The following ZFHX3 variants were observed in gnomAD, a reference collection of about 807,000 sequenced individuals.
The protein encoded by ZFHX3 is zinc finger homeobox protein 3.
ZFHX3 carries 42 observed loss-of-function variants against 279.1 expected under a neutral mutation model. That is an observed-to-expected ratio of 0.15 (90% CI 0.12 to 0.19). ZFHX3 has a LOEUF of 0.19. Among genes scored for constraint, ZFHX3 ranks in the 10% least tolerant of loss-of-function variants. The probability of loss-of-function intolerance (pLI) is 1.00; values close to 1 mark genes in which losing one functional copy is unlikely to be tolerated. For synonymous variants in ZFHX3, 2,293 were observed against 1,957.8 expected (o/e 1.17, Z -4.52); for missense variants, 4,981 against 4,754.0 (o/e 1.05, Z -1.40).
chr16:73,201,023 AC>A (rs1968256230), intron 5 of ZFHX3, among the ~76,000 whole-genome samples: 2 of 152,118 alleles, frequency 1.3e-5, no homozygotes, highest in Admixed American at 6.5e-5. Context: ...ATGGGGAAGC[AC>A]CTTTCCCTGC....
At chr16:73,291,996 G>C (rs1247877640) in intron 4 of ZFHX3, among the ~76,000 whole-genome samples, 1 of 152,184 alleles carries the variant, frequency 6.6e-6, no homozygotes, top group African/African-American at 2.4e-5. Flanking sequence ...TGGGTAAGCA[G>C]AGGGCATGCC....
chr16:73,787,351 G>T (rs915095144), intron 1 of ZFHX3, among the ~76,000 whole-genome samples: 3 of 152,164 alleles, frequency 2.0e-5, no homozygotes. Context: ...ATGCACTCAG[G>T]AATCTGTATG....
intron 5 of ZFHX3, among the ~76,000 whole-genome samples, chr16:72,827,549 T>C (rs1301098253): frequency 6.6e-6 from 1 of 152,172 alleles, no homozygotes; most frequent in African/African-American, 2.4e-5. Context: ...GTCTTCAAAC[T>C]GTGTTTGTGA....
intron 3 of ZFHX3, among the ~76,000 whole-genome samples, chr16:73,377,670 T>C (rs2016744703): frequency 7.0e-6 from 1 of 142,372 alleles, no homozygotes; most frequent in South Asian, 2.2e-4. Context: ...TCCCTTAACA[T>C]TTAAGTGACT....
At chr16:73,182,323 G>T (rs1260569859) in intron 5 of ZFHX3, among the ~76,000 whole-genome samples, 1 of 152,186 alleles carries the variant, frequency 6.6e-6, no homozygotes, top group Non-Finnish European at 1.5e-5. Context: ...TGAGTGTGGT[G>T]GCGCATGCCT....
At chr16:73,030,195 C>T (rs958845143) in intron 1 of ZFHX3, among the ~76,000 whole-genome samples, 6 of 152,194 alleles carry the variant, frequency 3.9e-5, no homozygotes, top group African/African-American at 9.7e-5. Context: ...GGAGCCCACC[C>T]AAGGGCAAGA....
At chr16:73,123,061 C>G (rs891951503) in intron 7 of ZFHX3, among the ~76,000 whole-genome samples, 2 of 151,866 alleles carry the variant, frequency 1.3e-5, no homozygotes, top group African/African-American at 4.8e-5. Context: ...CAGATGTTCA[C>G]CAAGCTATAA....
chr16:73,007,824 C>T (rs1306777972), intron 1 of ZFHX3, among the ~76,000 whole-genome samples: 1 of 152,158 alleles, frequency 6.6e-6, no homozygotes, highest in Non-Finnish European at 1.5e-5. Context: ...CATTTCCCAA[C>T]AGCCATGTCA....
At chr16:73,033,510 G>A (rs913946376) in intron 1 of ZFHX3, among the ~76,000 whole-genome samples, 2 of 151,668 alleles carry the variant, frequency 1.3e-5, no homozygotes, top group African/African-American at 2.4e-5. Context: ...CAACTTGACT[G>A]GGGGGAAAGG....
chr16:73,253,340 G>A (rs1052109201), intron 5 of ZFHX3, among the ~76,000 whole-genome samples: 1 of 152,138 alleles, frequency 6.6e-6, no homozygotes, highest in South Asian at 2.1e-4. Context: ...TGTGAGAAAT[G>A]AAATCAATGG....
intron 4 of ZFHX3, among the ~76,000 whole-genome samples, chr16:73,313,990 T>A (rs544626109): frequency 6.6e-6 from 1 of 152,246 alleles, no homozygotes; most frequent in South Asian, 2.1e-4. Flanking sequence ...TCCCAGCTCC[T>A]TGAGAGGCTG....
chr16:73,135,539 C>T (rs966608387), intron 6 of ZFHX3, among the ~76,000 whole-genome samples: 20 of 152,166 alleles, frequency 1.3e-4, no homozygotes, highest in South Asian at 4.1e-4. Flanking sequence ...TTTTTAGTTC[C>T]GAATCGCTCA....
chr16:72,959,939 C>A lies in ZFHX3; in HGVS notation c.207G>T (p.Gly69=). Residue 69 remains glycine, a synonymous_variant, in exon 2 of 10, where the codon GGG becomes GGT. Transcript: ENST00000268489. The part of the protein sequence containing the change: ...ERLAESTASA[G]PPSEPASKEV... ...CCTTGCTGGCGGGCTCGGAGGGGGG[C>A]CCGGCCGACGCGGTGCTCTCCGCGA... 6.3e-7 allele frequency: 1 copy of A among 1,595,606 alleles called. No individual in the cohort carries two copies. The highest frequency in any genetic ancestry group is 1.7e-4 in the Middle Eastern group (1 of 5,890).
chr16:73,564,448 G>A (rs754313863), intron 2 of ZFHX3, among the ~76,000 whole-genome samples: 9 of 152,012 alleles, frequency 5.9e-5, no homozygotes, highest in Non-Finnish European at 8.8e-5. Context: ...CTTTCTCTAC[G>A]CTCAAATTAT....
chr16:73,093,583 G>T (rs1362027043), exon 8 of ZFHX3: 1 of 512,514 alleles, frequency 2.0e-6, no homozygotes, highest in South Asian at 1.4e-5. Flanking sequence ...TTCATCTTGG[G>T]CTAACCGGTC....
At chr16:73,518,627 C>T (rs1041010238) in intron 2 of ZFHX3, among the ~76,000 whole-genome samples, 1 of 152,138 alleles carries the variant, frequency 6.6e-6, no homozygotes, top group African/African-American at 2.4e-5. Context: ...TTTTAAAGAC[C>T]TCCAAAGAGG....
chr16:73,415,521 G>C (rs2017554192), intron 3 of ZFHX3, among the ~76,000 whole-genome samples: 1 of 152,190 alleles, frequency 6.6e-6, no homozygotes, highest in African/African-American at 2.4e-5. Flanking sequence ...TCAAGGGCCA[G>C]GCAAAGATAA....
Position 73,690,296 on chromosome 16 carries a change from A to T in ZFHX3, c.-1607-10056T>A, listed in dbSNP as rs7185059. Reference sequence around the variant, plus strand: ...CAGATCTGTTCGTATCTTAGCATCCATGTACGGGGCCTATGCATTCAGGCT... The same window carrying T: ...CAGATCTGTTCGTATCTTAGCATCCTTGTACGGGGCCTATGCATTCAGGCT... On this transcript the variant is annotated intron_variant, in intron 1 of 17. Transcript: ENST00000641206. Among the ~76,000 whole-genome samples, 1,307 of 152,242 alleles carry T rather than the reference A, an allele frequency of 8.6e-3. 11 individuals are homozygous for T. The highest frequency in any genetic ancestry group is 0.03 in the African/African-American group (1,231 of 41,532).
intron 2 of ZFHX3, chr16:73,558,295 G>C (rs947063242): frequency 6.6e-6 from 1 of 152,108 alleles, no homozygotes; most frequent in African/African-American, 2.4e-5. Context: ...TTTTTCAAGA[G>C]AGAAAGAAAG....
Sources: gnomAD v4.1 joint callset for allele counts (sites outside exome capture counted in the v4.1 genomes callset) on GRCh38, gnomAD v4.1.1 for gene constraint, MANE v1.5 for transcripts, NCBI Gene and HGNC (gene_info 2026-07-23, HGNC 2026-07-21) for gene names.